The following ACTR2 variants were observed in gnomAD, a reference collection of about 807,000 sequenced individuals.
ACTR2 encodes actin related protein 2, also known as actin-related protein 2.
A neutral mutation model predicts 50.2 loss-of-function variants in ACTR2; 5 were observed. The observed-to-expected ratio is 0.10, with a 90% CI of 0.05 to 0.21. ACTR2 has a LOEUF of 0.21. Among genes scored for constraint, ACTR2 ranks in the 10% least tolerant of loss-of-function variants. The pLI is 1.00. For synonymous variants in ACTR2, 140 were observed against 162.9 expected, an observed-to-expected ratio of 0.86 and a Z score of 1.07; for missense variants, 180 against 480.6, an observed-to-expected ratio of 0.37 and a Z score of 5.85.
intron 5 of ACTR2, 80 bp downstream of exon 5, chr2:65,253,944 T>A (rs1672101150): frequency 1.6e-6 from 2 of 1,269,918 alleles, no homozygotes; most frequent in East Asian, 2.4e-5. Flanking sequence ...TCTATCGTTT[T>A]AGGATTCCAG....
In ACTR2 at chr2:65,270,611, T is replaced by C. The variant is rs1558631908; in HGVS notation, c.*1877T>C. On this transcript the variant is annotated 3_prime_UTR_variant, in exon 9 of 9. Coordinates refer to ENST00000260641, the MANE Select transcript of ACTR2 (RefSeq NM_005722.4). ...AATGGGATTGACTTGGCCTTCAGGC[T>C]CCTTTGGTCATAATTTTAAAATATG... 6.6e-6 allele frequency: 1 copy of C among 152,294 alleles called. No individual in the cohort carries two copies. Among genetic ancestry groups the C allele is most frequent in the Non-Finnish European group, 1.5e-5 (1 of 68,036 alleles). 9.4% of individuals were successfully genotyped at this position (152,294 alleles called of 1,614,324 possible).
At chr2:65,252,467 C>T (rs1189545789) in intron 4 of ACTR2, among the ~76,000 whole-genome samples, 2 of 151,232 alleles carry the variant, frequency 1.3e-5, no homozygotes, top group South Asian at 4.2e-4. Context: ...TGTGAAACCC[C>T]GTCTCTACTA....
chr2:65,248,494 G>A (rs1386173950), intron 3 of ACTR2, among the ~76,000 whole-genome samples: 2 of 152,146 alleles, frequency 1.3e-5, no homozygotes, highest in East Asian at 1.9e-4. Flanking sequence ...CTCTTGTGTT[G>A]TGAGTATCCC....
intron 1 of ACTR2, among the ~76,000 whole-genome samples, chr2:65,236,620 G>T (rs1425016685): frequency 4.0e-5 from 6 of 151,496 alleles, no homozygotes; most frequent in African/African-American, 1.5e-4. Context: ...TCATTCTGTT[G>T]CCCAGGCTGG....
intron 2 of ACTR2, chr2:65,241,923 C>G: frequency 1.6e-6 from 2 of 1,238,080 alleles, no homozygotes; most frequent in Non-Finnish European, 2.3e-6. Flanking sequence ...AGTACTGCAT[C>G]TGACCTCAAC....
chr2:65,249,266 G>A (rs3771099), intron 3 of ACTR2, among the ~76,000 whole-genome samples: 1 of 151,944 alleles, frequency 6.6e-6, no homozygotes, highest in African/African-American at 2.4e-5. Flanking sequence ...AGAAGAAAAT[G>A]TTGTTAGTAT....
chr2:65,228,117 C>G (rs1671562638), intron 1 of ACTR2, 160 bp downstream of exon 1: 5 of 570,594 alleles, frequency 8.8e-6, no homozygotes, highest in Non-Finnish European at 1.4e-5. Context: ...GCGAGCCGGC[C>G]GTTCCCTGGT....
chr2:65,236,926 T>G (rs944938166), intron 1 of ACTR2, among the ~76,000 whole-genome samples: 6 of 152,166 alleles, frequency 3.9e-5, no homozygotes, highest in African/African-American at 1.4e-4. Flanking sequence ...CTATTTTTCA[T>G]CCTTAATTCT....
chr2:65,227,863 G>A lies in ACTR2; in HGVS notation c.-47G>A. ...GAAGAAGAGAAAACGGCCGGGCGGC[G>A]GTGGCTGTAGGTTGTGCGGCTGCAG... On this transcript the variant is annotated 5_prime_UTR_variant, in exon 1 of 9. Coordinates refer to ENST00000260641, the MANE Select transcript of ACTR2 (RefSeq NM_005722.4). 2 of 1,490,486 alleles carry A rather than the reference G, an allele frequency of 1.3e-6. No individual in the cohort carries two copies. Among genetic ancestry groups the A allele is most frequent in the Admixed American group, 2.4e-5 (1 of 42,212 alleles). The allele number at this position is 1,490,486 out of a possible 1,614,324, so 92.3% of individuals were successfully genotyped here. A position where few individuals can be genotyped will look rare whatever the true frequency, so the allele number is the denominator to read the frequency against.
intron 1 of ACTR2, among the ~76,000 whole-genome samples, chr2:65,230,403 ATTTTTTT>A (rs11299935): frequency 7.7e-5 from 6 of 78,176 alleles, no homozygotes; most frequent in African/African-American, 1.7e-4. Flanking sequence ...ACCGAAGCTG[ATTTTTTT>A]TTTTTTTTTT....
chr2:65,259,825 C>T (rs745483024), intron 6 of ACTR2, among the ~76,000 whole-genome samples: 2 of 152,256 alleles, frequency 1.3e-5, no homozygotes, highest in South Asian at 2.1e-4. Flanking sequence ...CATACATGGG[C>T]GTGCTTATTA....
At position 65,233,013 on chromosome 2, in the gene ACTR2, T is replaced by A. The variant is rs542721747; in HGVS notation, c.48+5056T>A. ...CATGGTTTAGTTTTTTTTTTTTTTT[T>A]AGACAGAGTCTTGCTCCGTTGCCCA... On this transcript the variant is annotated intron_variant, in intron 1 of 8. Coordinates refer to ENST00000260641, the MANE Select transcript of ACTR2 (RefSeq NM_005722.4). Among the ~76,000 whole-genome samples, 7 of 151,916 alleles carry A rather than the reference T, an allele frequency of 4.6e-5. No homozygotes were observed. In the East Asian group the frequency reaches 1.4e-3, roughly 29 times the overall value.
At chr2:65,250,702 C>T (rs1672032038) in intron 3 of ACTR2, among the ~76,000 whole-genome samples, 1 of 151,308 alleles carries the variant, frequency 6.6e-6, no homozygotes, top group East Asian at 1.9e-4. Context: ...AAGAATTTCC[C>T]TTAAGGGATA....
intron 3 of ACTR2, among the ~76,000 whole-genome samples, chr2:65,250,782 A>C (rs1429055429): frequency 6.6e-6 from 1 of 152,072 alleles, no homozygotes; most frequent in Non-Finnish European, 1.5e-5. Context: ...CTAATACACT[A>C]AGAAATCTTT....
At chr2:65,230,640 G>A (rs1218217740) in intron 1 of ACTR2, among the ~76,000 whole-genome samples, 2 of 151,768 alleles carry the variant, frequency 1.3e-5, no homozygotes, top group Admixed American at 6.6e-5. Context: ...TGAACTCCTG[G>A]GGTTAAAAGA....
At chr2:65,263,320 C>CAG (rs1672311484) in intron 7 of ACTR2, among the ~76,000 whole-genome samples, 1 of 103,010 alleles carries the variant, frequency 9.7e-6, no homozygotes, top group African/African-American at 3.7e-5. Context: ...ATATCTTTCA[C>CAG]AGATACTCTC....
Position 65,270,478 on chromosome 2 carries a change from G to A in ACTR2, c.*1744G>A, listed in dbSNP as rs1231084961. 6.6e-6 allele frequency: 1 copy of A among 152,604 alleles called. No homozygotes were observed. Among genetic ancestry groups the A allele is most frequent in the African/African-American group, 2.4e-5 (1 of 41,442 alleles). The allele number at this position is 152,604 out of a possible 1,614,324, so 9.5% of individuals were successfully genotyped here. A position where few individuals can be genotyped will look rare whatever the true frequency, so the allele number is the denominator to read the frequency against. On this transcript the variant is annotated 3_prime_UTR_variant, in exon 9 of 9. Coordinates refer to ENST00000260641, the MANE Select transcript of ACTR2 (RefSeq NM_005722.4). Reference sequence around the variant, plus strand: ...AGATCTTGGGAACATGGATCTTAGAGTCACTTTGGAATAAGTTCTTATATA... The same window carrying A: ...AGATCTTGGGAACATGGATCTTAGAATCACTTTGGAATAAGTTCTTATATA...
At chr2:65,232,289 G>A (rs548678416) in intron 1 of ACTR2, among the ~76,000 whole-genome samples, 27 of 152,332 alleles carry the variant, frequency 1.8e-4, no homozygotes, top group African/African-American at 5.3e-4. Context: ...TCTCCAGTGC[G>A]TGCTATGTTG....
chr2:65,265,479 T>C (rs1672353111), intron 8 of ACTR2, among the ~76,000 whole-genome samples: 1 of 152,222 alleles, frequency 6.6e-6, no homozygotes, highest in African/African-American at 2.4e-5. Context: ...TATAGGGAAA[T>C]AAATGCCCCA....
Sources: allele counts gnomAD v4.1 joint callset (sites outside exome capture counted in the v4.1 genomes callset), GRCh38; gene constraint gnomAD v4.1.1; transcripts MANE v1.5; gene names NCBI Gene and HGNC (gene_info 2026-07-23, HGNC 2026-07-21).